SATL1: variants seen among roughly 807,000 people sequenced by gnomAD.
SATL1 encodes spermidine/spermine N(1)-acetyltransferase-like protein 1.
A neutral mutation model predicts 51.8 loss-of-function variants in SATL1; 47 were observed. That is an observed-to-expected ratio of 0.91 (90% CI 0.72 to 1.16). The LOEUF is 1.16. Ranked by LOEUF, SATL1 falls within the 50% of genes most tolerant of loss-of-function variation. The pLI is 0.00. For synonymous variants in SATL1, 176 were observed against 182.4 expected, an observed-to-expected ratio of 0.97 and a Z score of 0.28; for missense variants, 520 against 526.4, an observed-to-expected ratio of 0.99 and a Z score of 0.12.
At chrX:85,113,465 C>T (rs1925307006) in intron 2 of SATL1, among the ~76,000 whole-genome samples, 1 of 111,179 alleles carries the variant, frequency 9.0e-6, no homozygotes, top group Non-Finnish European at 1.9e-5. Flanking sequence ...CCTTTTGTTT[C>T]CTCTGAGCTG....
intron 2 of SATL1, among the ~76,000 whole-genome samples, chrX:85,150,096 G>A (rs1486212910): frequency 9.0e-6 from 1 of 110,851 alleles, no homozygotes; most frequent in African/African-American, 3.3e-5. Flanking sequence ...AAAGAGAGAA[G>A]AATGAAATAG....
At chrX:85,237,744 A>T (rs1479878570) in intron 1 of SATL1, among the ~76,000 whole-genome samples, 3 of 111,779 alleles carry the variant, frequency 2.7e-5, no homozygotes, top group Non-Finnish European at 5.7e-5. Context: ...GCTTATGCAC[A>T]GCAAAGGAAA....
chrX:85,130,841 A>G (rs1319675141), intron 2 of SATL1, among the ~76,000 whole-genome samples: 3 of 111,721 alleles, frequency 2.7e-5, no homozygotes, highest in Non-Finnish European at 5.7e-5. Flanking sequence ...ATTCTGCTAC[A>G]TTATGTCTTT....
chrX:85,131,123 G>T (rs1318496814), intron 2 of SATL1, among the ~76,000 whole-genome samples: 8 of 111,903 alleles, frequency 7.1e-5, no homozygotes, highest in Non-Finnish European at 1.5e-4. Context: ...TGTATATTTT[G>T]TTGATTTGGG....
intron 2 of SATL1, among the ~76,000 whole-genome samples, chrX:85,180,169 T>C: frequency 9.0e-6 from 1 of 111,301 alleles, no homozygotes; most frequent in East Asian, 2.8e-4. Flanking sequence ...AGTCAGCTTT[T>C]CTACCACGTT....
At chrX:85,139,820 T>C (rs1926064145) in intron 2 of SATL1, among the ~76,000 whole-genome samples, 1 of 111,972 alleles carries the variant, frequency 8.9e-6, no homozygotes. Flanking sequence ...ACACTATTTC[T>C]ATGAACACCC....
At chrX:85,158,042 C>T (rs1370854131) in intron 2 of SATL1, among the ~76,000 whole-genome samples, 1 of 111,436 alleles carries the variant, frequency 9.0e-6, no homozygotes, top group Non-Finnish European at 1.9e-5. Context: ...TTGCTCTGAA[C>T]GTACATTTGA....
chrX:85,109,347 C>A, intron 2 of SATL1, 67 bp from the exon 3 acceptor site: 1 of 225,243 alleles, frequency 4.4e-6, no homozygotes, highest in Non-Finnish European at 8.0e-6. Flanking sequence ...ACCAGCCCGC[C>A]CCTGCATGGT....
intron 1 of SATL1, among the ~76,000 whole-genome samples, chrX:85,229,678 A>T (rs770405186): frequency 2.9e-4 from 32 of 111,362 alleles, no homozygotes; most frequent in Non-Finnish European, 4.4e-4. Context: ...ACATAATCTC[A>T]TATCTAGAAA....
intron 2 of SATL1, among the ~76,000 whole-genome samples, chrX:85,144,617 T>C (rs1926186362): frequency 8.9e-6 from 1 of 112,407 alleles, no homozygotes; most frequent in Non-Finnish European, 1.9e-5. Flanking sequence ...AGGTTCCTAC[T>C]GAGTTTCAGA....
chrX:85,113,475 G>A (rs1426549921), intron 2 of SATL1, among the ~76,000 whole-genome samples: 2 of 111,289 alleles, frequency 1.8e-5, no homozygotes, highest in African/African-American at 6.5e-5. Context: ...CCTCTGAGCT[G>A]CAGGGAGAGA....
At position 85,109,273 on chromosome X, in the gene SATL1, G is replaced by T. The variant is rs1169293976; in HGVS notation, c.-305C>A. On this transcript the variant is annotated 5_prime_UTR_variant, in exon 3 of 8. Coordinates refer to ENST00000644105, the MANE Select transcript of SATL1 (RefSeq NM_001367857.2). ...TGGCTGAGTTTCAGGTTGTCATCTG[G>T]CCTTTCCCTGCCAAAAGGGGGGAAG... is the stretch of plus-strand genomic sequence containing the variant. The T allele has an allele frequency of 3.0e-6, 1 of 333,566 alleles. No individual in the cohort carries two copies. Among genetic ancestry groups the T allele is most frequent in the Non-Finnish European group, 5.2e-6 (1 of 191,279 alleles). 27.5% of individuals were successfully genotyped at this position (333,566 alleles called of 1,213,427 possible). A position where few individuals can be genotyped will look rare whatever the true frequency, so the allele number is the denominator to read the frequency against.
At chrX:85,134,569 T>C (rs1289533176) in intron 2 of SATL1, among the ~76,000 whole-genome samples, 1 of 111,712 alleles carries the variant, frequency 9.0e-6, no homozygotes, top group Non-Finnish European at 1.9e-5. Flanking sequence ...GCTAGAGATA[T>C]GCAGAGGGTG....
At chrX:85,106,556 C>A (rs985512791) in intron 3 of SATL1, among the ~76,000 whole-genome samples, 6 of 112,010 alleles carry the variant, frequency 5.4e-5, no homozygotes, top group Non-Finnish European at 1.1e-4. Context: ...ATATTTACTC[C>A]ATAAAGAACA....
At chrX:85,139,101 C>T (rs1926042381) in intron 2 of SATL1, among the ~76,000 whole-genome samples, 1 of 111,278 alleles carries the variant, frequency 9.0e-6, no homozygotes, top group Non-Finnish European at 1.9e-5. Flanking sequence ...TGCTGACCAC[C>T]ATCATAAGGA....
rs1292946034 is a variant in SATL1 at position 85,107,856 on chromosome X, T to G, written c.1113A>C (p.Thr371=). 8.3e-7 allele frequency: 1 copy of G among 1,209,822 alleles called. No individual in the cohort carries two copies. The highest frequency in any genetic ancestry group is 1.8e-5 in the African/African-American group (1 of 57,070). Residue 371 remains threonine, a synonymous_variant, in exon 3 of 8, where the codon ACA becomes ACC. Coordinates refer to ENST00000644105, the MANE Select transcript of SATL1 (RefSeq NM_001367857.2). The part of the protein sequence containing the change: ...PRQSSTSQAG[T]NQSGISQPVM... ...CTGGTTGGCTTATACCTGATTGGTT[T>G]GTGCCTGCTTGGCTCGTGCTTGATT... is the stretch of plus-strand genomic sequence containing the variant.
chrX:85,209,531 T>C (rs776731290), intron 2 of SATL1: 1 of 111,804 alleles, frequency 8.9e-6, no homozygotes, highest in African/African-American at 3.2e-5. Context: ...TTCCATTTGT[T>C]TGCGTCCTCT....
chrX:85,150,676 A>G (rs1473756344), intron 2 of SATL1, among the ~76,000 whole-genome samples: 1 of 111,879 alleles, frequency 8.9e-6, no homozygotes, highest in African/African-American at 3.3e-5. Flanking sequence ...AAAATCAATA[A>G]ACATAATCCA....
intron 2 of SATL1, among the ~76,000 whole-genome samples, chrX:85,123,128 C>T (rs966356122): frequency 1.1e-4 from 12 of 111,381 alleles, no homozygotes; most frequent in South Asian, 7.5e-4. Flanking sequence ...CATATGTGTG[C>T]ACATGTCTTT....
Sources: allele counts gnomAD v4.1 joint callset (sites outside exome capture counted in the v4.1 genomes callset), GRCh38; gene constraint gnomAD v4.1.1; transcripts MANE v1.5; gene names NCBI Gene and HGNC (gene_info 2026-07-23, HGNC 2026-07-21).